CFAP92: variants seen among roughly 807,000 people sequenced by gnomAD.
The protein encoded by CFAP92 is cilia and flagella associated protein 92 (putative).
CFAP92 carries 86 observed loss-of-function variants against 106.3 expected under a neutral mutation model. That is an observed-to-expected ratio of 0.81 (90% CI 0.68 to 0.97). The LOEUF (loss-of-function observed/expected upper bound fraction) is 0.97, where lower values mean the gene tolerates loss of function less well. Among genes scored for constraint, CFAP92 ranks in the 50% least tolerant of loss-of-function variants. The pLI is 0.00. For missense variants in CFAP92, 1,204 were observed against 1,283.8 expected, an observed-to-expected ratio of 0.94 and a Z score of 0.95; for synonymous variants, 477 against 506.4, an observed-to-expected ratio of 0.94 and a Z score of 0.78.
chr3:128,926,450 A>G (rs1216203456), intron 12 of CFAP92, among the ~76,000 whole-genome samples: 1 of 152,168 alleles, frequency 6.6e-6, no homozygotes, highest in Non-Finnish European at 1.5e-5. Flanking sequence ...AGGAGGCAGA[A>G]GTTGCAGTGA....
upstream of CFAP92, chr3:129,004,186 TC>T: frequency 7.9e-7 from 1 of 1,258,396 alleles, no homozygotes; most frequent in Admixed American, 4.0e-5. Flanking sequence ...CCGCAGTTTC[TC>T]CATGCGTTTA....
In CFAP92 at chr3:128,993,263, G is replaced by C. The variant is rs766553307; in HGVS notation, c.42C>G (p.Ser14Arg). The C allele has an allele frequency of 1.3e-5, 21 of 1,613,790 alleles. No individual in the cohort carries two copies. Among genetic ancestry groups the C allele is most frequent in the Admixed American group, 1.7e-5 (1 of 60,002 alleles). ...TAGTGATGGAGGAGATGGGCTCTAT[G>C]CTTGCGGGGTCCTCTTCCCACTCCC... ...HAWEWEEDPA[S>R]IEPISSITSF... Residue 14 changes from serine to arginine, a missense_variant, in exon 2 of 16, where the codon AGC becomes AGG. By Grantham distance (110) the Ser-to-Arg change is moderately radical (BLOSUM62 -1). Coordinates refer to ENST00000645291, the MANE Select transcript of CFAP92 (RefSeq NM_001394090.1).
At chr3:129,000,721 C>T (rs900339177) in intron 1 of CFAP92, among the ~76,000 whole-genome samples, 1 of 152,194 alleles carries the variant, frequency 6.6e-6, no homozygotes. Flanking sequence ...TTAACCTAAC[C>T]CCAGCTCAAG....
chr3:128,974,845 G>A (rs1943040484), intron 7 of CFAP92, among the ~76,000 whole-genome samples: 1 of 150,870 alleles, frequency 6.6e-6, no homozygotes, highest in Non-Finnish European at 1.5e-5. Context: ...GAGAAGGCCA[G>A]GCGTGGTGGC....
rs1944253423 is a variant in CFAP92, at chr3:128,992,157, G to C, written c.262+886C>G. On this transcript the variant is annotated intron_variant, in intron 2 of 15. Coordinates refer to ENST00000645291, the MANE Select transcript of CFAP92 (RefSeq NM_001394090.1). The stretch of plus-strand genomic sequence containing the variant: ...ACCTCCAGGAGAACCTCAGGTTCCT[G>C]TGTGCAGCCATGAGCTTGGGGGCTT... 3.3e-5 allele frequency among the ~76,000 whole-genome samples: 5 copies of C among 152,238 alleles called. 1 individual carries two copies. The South Asian group carries it at 1.0e-3, about 32-fold the overall frequency.
At chr3:128,972,504 A>G (rs553665682) in intron 7 of CFAP92, among the ~76,000 whole-genome samples, 7 of 152,012 alleles carry the variant, frequency 4.6e-5, no homozygotes, top group African/African-American at 1.7e-4. Context: ...GGCCTCCCAA[A>G]GTGCTAGGAT....
chr3:128,925,896 TAA>T (rs1937610712), intron 12 of CFAP92, among the ~76,000 whole-genome samples: 1 of 152,204 alleles, frequency 6.6e-6, no homozygotes, highest in African/African-American at 2.4e-5. Flanking sequence ...ATGATGTCTT[TAA>T]AGTGTTAATA....
At chr3:129,001,368 C>A (rs1035971616) in intron 1 of CFAP92, among the ~76,000 whole-genome samples, 2 of 152,212 alleles carry the variant, frequency 1.3e-5, no homozygotes, top group African/African-American at 4.8e-5. Flanking sequence ...GAAGCCAGAC[C>A]CAGACGCCGA....
chr3:128,962,382 C>T lies in CFAP92; in HGVS notation c.1353+3129G>A, dbSNP rs1445194548. ...AGGCTTCTAAACCTCTTAAAACTCCCCAACTCTGGTGCCAACTTAGACAAT... is the reference window on the plus strand; with the variant it reads ...AGGCTTCTAAACCTCTTAAAACTCCTCAACTCTGGTGCCAACTTAGACAAT... On this transcript the variant is annotated intron_variant, in intron 9 of 15. Transcript: ENST00000645291. Among the ~76,000 whole-genome samples the T allele has an allele frequency of 3.9e-5, 6 of 152,202 alleles. No homozygotes were observed. The South Asian group carries it at 1.2e-3, about 32-fold the overall frequency.
At chr3:128,960,068 C>T (rs950615904) in intron 9 of CFAP92, among the ~76,000 whole-genome samples, 1 of 152,190 alleles carries the variant, frequency 6.6e-6, no homozygotes, top group African/African-American at 2.4e-5. Flanking sequence ...TCCACCCCTG[C>T]CCACCAGAGA....
In CFAP92 at chr3:128,912,829, G is replaced by A. The variant is rs113551006; in HGVS notation, c.3280+2290C>T. 30 of 695,098 alleles carry A rather than the reference G, an allele frequency of 4.3e-5. No individual in the cohort carries two copies. In the Middle Eastern group the frequency reaches 7.5e-4, roughly 17 times the overall value. The allele number at this position is 695,098 out of a possible 1,614,324, so 43.1% of individuals were successfully genotyped here. A position where few individuals can be genotyped will look rare whatever the true frequency, so the allele number is the denominator to read the frequency against. On this transcript the variant is annotated intron_variant, in intron 15 of 15. Transcript: ENST00000645291. ...ACCATCACAGCTTCTGAACTGAGCCGGAGAGAGAGAATGGAATTGCTGACC... is the reference window on the plus strand; with the variant it reads ...ACCATCACAGCTTCTGAACTGAGCCAGAGAGAGAGAATGGAATTGCTGACC...
Position 128,971,225 on chromosome 3 carries a change from T to C in CFAP92, c.1168+62A>G, listed in dbSNP as rs560715819. On this transcript the variant is annotated intron_variant, in intron 8 of 15. Coordinates refer to ENST00000645291, the MANE Select transcript of CFAP92 (RefSeq NM_001394090.1). ...CAGGGTTGTCATTAGGAGCATCCGC[T>C]TATGGCCGTTCTGGCCACAAGACAA... 6.2e-6 allele frequency: 10 copies of C among 1,611,200 alleles called. No individual in the cohort carries two copies. In the East Asian group the frequency reaches 1.1e-4, roughly 18 times the overall value.
the CFAP92 span, among the ~76,000 whole-genome samples, chr3:129,013,804 G>A: frequency 6.6e-6 from 1 of 152,228 alleles, no homozygotes; most frequent in African/African-American, 2.4e-5. Context: ...GGAGGAGTCT[G>A]TTCTCCAAAG....
intron 9 of CFAP92, among the ~76,000 whole-genome samples, chr3:128,956,367 G>A (rs929001854): frequency 2.0e-5 from 3 of 151,822 alleles, no homozygotes; most frequent in Non-Finnish European, 2.9e-5. Context: ...GTTTCAGAAG[G>A]AGAGGAGAAA....
chr3:128,993,103 C>T lies in CFAP92; in HGVS notation c.202G>A (p.Asp68Asn), dbSNP rs115301439. 2.8e-5 allele frequency: 45 copies of T among 1,614,090 alleles called. No homozygotes were observed. In the African/African-American group the frequency reaches 4.0e-4, roughly 14 times the overall value. ...SSEPASTFSS[D>N]VPHVVPCKFT... ...TTGCAGGGGACCACGTGGGGCACGTCGGAGCTGAAAGTGCTGGCAGGCTCA... is the reference window on the plus strand; with the variant it reads ...TTGCAGGGGACCACGTGGGGCACGTTGGAGCTGAAAGTGCTGGCAGGCTCA... The change falls in exon 2 of 16, where the codon GAC becomes AAC. Residue 68 changes from aspartate (D) to asparagine (N), a missense_variant. By Grantham distance (23) the Asp-to-Asn change is conservative (BLOSUM62 1). Transcript: ENST00000645291.
At chr3:128,920,424 AT>A (rs1198569589) in intron 12 of CFAP92, among the ~76,000 whole-genome samples, 2 of 152,226 alleles carry the variant, frequency 1.3e-5, no homozygotes, top group Admixed American at 6.5e-5. Flanking sequence ...AATTAAAATA[AT>A]TATGATTAAT....
intron 15 of CFAP92, chr3:128,912,958 G>C (rs774290896): frequency 2.0e-6 from 1 of 492,120 alleles, no homozygotes; most frequent in South Asian, 1.5e-5. Flanking sequence ...CCTGTGTCAG[G>C]TGTGGATAGC....
intron 11 of CFAP92, among the ~76,000 whole-genome samples, chr3:128,934,645 C>A (rs1252412709): frequency 6.6e-6 from 1 of 152,134 alleles, no homozygotes; most frequent in Non-Finnish European, 1.5e-5. Flanking sequence ...ATTCTCCTGC[C>A]TCAGTCTCCC....
At chr3:128,950,760 C>T (rs1402463057) in intron 9 of CFAP92, among the ~76,000 whole-genome samples, 5 of 152,194 alleles carry the variant, frequency 3.3e-5, no homozygotes, top group Non-Finnish European at 7.3e-5. Flanking sequence ...CCATGAGGGA[C>T]TCACTGCCTA....
Sources: allele counts gnomAD v4.1 joint callset (sites outside exome capture counted in the v4.1 genomes callset), GRCh38; gene constraint gnomAD v4.1.1; transcripts MANE v1.5; gene names NCBI Gene and HGNC (gene_info 2026-07-23, HGNC 2026-07-21).